Variants in CUL5 observed in about 807,000 individuals in gnomAD.
The protein encoded by CUL5 is cullin-5.
CUL5 carries 26 observed loss-of-function variants against 108.8 expected under a neutral mutation model. That is an observed-to-expected ratio of 0.24 (90% confidence interval 0.18 to 0.33). The LOEUF (loss-of-function observed/expected upper bound fraction) is 0.33. CUL5 is among the 10% of genes least tolerant of loss of function. The pLI is 1.00. For synonymous variants in CUL5, 334 were observed against 298.0 expected (o/e 1.12, Z -1.25); for missense variants, 524 against 909.2 (o/e 0.58, Z 5.45).
At chr11:108,079,309 T>A (rs1864013326) in intron 11 of CUL5, among the ~76,000 whole-genome samples, 1 of 152,176 alleles carries the variant, frequency 6.6e-6, no homozygotes, top group African/African-American at 2.4e-5. Flanking sequence ...TTTCGCCATA[T>A]TGGCCAGGCT....
rs1591315111 is a variant in CUL5, at chr11:108,072,194, A to G, written c.875-138A>G. The G allele has an allele frequency of 1.4e-5, 9 of 647,496 alleles. No individual in the cohort carries two copies. In the East Asian group the frequency reaches 2.7e-4, roughly 19 times the overall value. The allele number at this position is 647,496 out of a possible 1,614,324, so 40.1% of individuals were successfully genotyped here. A position where few individuals can be genotyped will look rare whatever the true frequency, so the allele number is the denominator to read the frequency against. ...ACCCTGTCTCAAAAACAAAAAAACA[A>G]CAACAAAAAAACGAACAACTACTCC... On this transcript the variant is annotated intron_variant, in intron 8 of 18. Coordinates refer to ENST00000393094, the MANE Select transcript of CUL5 (RefSeq NM_003478.6).
intron 7 of CUL5, among the ~76,000 whole-genome samples, chr11:108,067,489 A>G (rs1253318246): frequency 3.3e-5 from 5 of 151,790 alleles, no homozygotes. Flanking sequence ...AATAATATTC[A>G]TTGTTACAAT....
At chr11:108,096,177 A>G (rs532229608) in intron 16 of CUL5, among the ~76,000 whole-genome samples, 1 of 151,614 alleles carries the variant, frequency 6.6e-6, no homozygotes, top group African/African-American at 2.4e-5. Flanking sequence ...CAAGTTACCA[A>G]GGCAGAGAAA....
intron 8 of CUL5, 119 bp downstream of exon 8, chr11:108,070,308 G>C: frequency 1.5e-6 from 1 of 645,236 alleles, no homozygotes; most frequent in Non-Finnish European, 2.8e-6. Flanking sequence ...GGAACTGTTA[G>C]AGTGAACTAT....
At chr11:108,074,544 C>T (rs895626439) in intron 10 of CUL5, among the ~76,000 whole-genome samples, 11 of 151,818 alleles carry the variant, frequency 7.2e-5, no homozygotes, top group African/African-American at 2.4e-4. Context: ...CAGTGGCTCA[C>T]GCCTGTAACC....
At chr11:108,014,960 A>C (rs61163942) in intron 1 of CUL5, among the ~76,000 whole-genome samples, 1 of 152,074 alleles carries the variant, frequency 6.6e-6, no homozygotes, top group Non-Finnish European at 1.5e-5. Context: ...GTGCAGTGGC[A>C]CGATCTTGGC....
chr11:108,020,378 G>C (rs929679014), intron 1 of CUL5, among the ~76,000 whole-genome samples: 2 of 152,152 alleles, frequency 1.3e-5, no homozygotes, highest in Non-Finnish European at 2.9e-5. Flanking sequence ...AGACAGTGAT[G>C]ATGATCCTGA....
chr11:108,094,996 A>T lies in CUL5; in HGVS notation c.1743+9A>T. On this transcript the variant is annotated intron_variant, in intron 15 of 18. Transcript: ENST00000393094. Reference sequence around the variant, plus strand: ...TCATGTCAAATGGAATTGTAAGTAGATAGTGTGTTAGTTATTTCAGCTTTC... The same window carrying T: ...TCATGTCAAATGGAATTGTAAGTAGTTAGTGTGTTAGTTATTTCAGCTTTC... The T allele has an allele frequency of 1.2e-6, 2 of 1,600,174 alleles. No homozygotes were observed. The highest frequency in any genetic ancestry group is 2.2e-5 in the East Asian group (1 of 44,532).
intron 5 of CUL5, among the ~76,000 whole-genome samples, chr11:108,053,544 A>C (rs551197107): frequency 6.6e-6 from 1 of 152,172 alleles, no homozygotes; most frequent in African/African-American, 2.4e-5. Flanking sequence ...TAAACTTCAC[A>C]TGCAGAGTTT....
chr11:108,040,607 G>A (rs1253170611), intron 2 of CUL5, among the ~76,000 whole-genome samples: 1 of 46,406 alleles, frequency 2.2e-5, no homozygotes, highest in Non-Finnish European at 4.6e-5. Context: ...GTGAGACTCC[G>A]TCTCAAAAAA....
intron 8 of CUL5, 36 bp downstream of exon 8, chr11:108,070,225 C>T (rs1321506993): frequency 1.4e-6 from 2 of 1,442,612 alleles, no homozygotes; most frequent in Admixed American, 1.7e-5. Flanking sequence ...TCATAATCTT[C>T]TAAGAGGGTA....
intron 2 of CUL5, among the ~76,000 whole-genome samples, chr11:108,035,661 G>C (rs185286104): frequency 4.6e-5 from 7 of 151,718 alleles, no homozygotes; most frequent in African/African-American, 1.7e-4. Context: ...GATTGCTTGA[G>C]CCCTCAAGCA....
At chr11:108,022,975 G>A (rs1228520716) in intron 1 of CUL5, among the ~76,000 whole-genome samples, 2 of 152,196 alleles carry the variant, frequency 1.3e-5, no homozygotes, top group Non-Finnish European at 2.9e-5. Flanking sequence ...CTGGCCCAGC[G>A]TGGTGGCTCA....
intron 11 of CUL5, among the ~76,000 whole-genome samples, chr11:108,087,570 A>T (rs1016044039): frequency 6.6e-6 from 1 of 152,206 alleles, no homozygotes; most frequent in Non-Finnish European, 1.5e-5. Context: ...AGCCTGGACA[A>T]TATAGATAGT....
At chr11:108,075,122 A>C (rs192664449) in intron 10 of CUL5, among the ~76,000 whole-genome samples, 1 of 152,304 alleles carries the variant, frequency 6.6e-6, no homozygotes, top group Non-Finnish European at 1.5e-5. Context: ...ACTTATTTAA[A>C]TAATTCAATT....
At chr11:108,065,702 CTA>C (rs1863660380) in intron 7 of CUL5, among the ~76,000 whole-genome samples, 1 of 152,194 alleles carries the variant, frequency 6.6e-6, no homozygotes, top group Non-Finnish European at 1.5e-5. Context: ...CGATTCAAGA[CTA>C]TCTTTCCTAC....
Position 108,106,111 on chromosome 11 carries a change from G to A in CUL5, c.*1727G>A, listed in dbSNP as rs757583690. ...TGAAGAATTAAACTAAAATTAATACGTACAGTTTTCTCTAATTAGGTGACT... is the reference window on the plus strand; with the variant it reads ...TGAAGAATTAAACTAAAATTAATACATACAGTTTTCTCTAATTAGGTGACT... On this transcript the variant is annotated 3_prime_UTR_variant, in exon 19 of 19. Coordinates refer to ENST00000393094, the MANE Select transcript of CUL5 (RefSeq NM_003478.6). The A allele has an allele frequency of 2.0e-5, 3 of 152,176 alleles. No individual in the cohort carries two copies. Among genetic ancestry groups the A allele is most frequent in the Admixed American group, 6.6e-5 (1 of 15,262 alleles). 9.4% of individuals were successfully genotyped at this position (152,176 alleles called of 1,614,324 possible).
chr11:108,095,033 AAGT>A (rs760006143), intron 15 of CUL5, 46 bp downstream of exon 15: 1 of 1,508,740 alleles, frequency 6.6e-7, no homozygotes, highest in Non-Finnish European at 9.1e-7. Context: ...GTTTGGATGA[AAGT>A]AGCAGGACTC....
chr11:108,102,681 T>G (rs1565273378), intron 18 of CUL5, among the ~76,000 whole-genome samples: 1 of 152,210 alleles, frequency 6.6e-6, no homozygotes, highest in East Asian at 1.9e-4. Context: ...TCTTACTGAA[T>G]AGTGCCTGAC....
Sources: allele counts gnomAD v4.1 joint callset (sites outside exome capture counted in the v4.1 genomes callset), GRCh38; gene constraint gnomAD v4.1.1; transcripts MANE v1.5; gene names NCBI Gene and HGNC (gene_info 2026-07-23, HGNC 2026-07-21).